The following VANGL1 variants were observed in gnomAD, a reference collection of about 807,000 sequenced individuals.
VANGL1 encodes the protein vang-like protein 1.
A neutral mutation model predicts 48.4 loss-of-function variants in VANGL1; 18 were observed. That is an observed-to-expected ratio of 0.37 (90% CI 0.26 to 0.55). The LOEUF is 0.55. Ranked by LOEUF, VANGL1 falls within the 20% of genes least tolerant of loss-of-function variation. The pLI, the probability that VANGL1 is intolerant of heterozygous loss-of-function variation, is 0.81. For synonymous variants in VANGL1, 257 were observed against 261.8 expected (o/e 0.98, Z 0.18); for missense variants, 667 against 675.8 (o/e 0.99, Z 0.14).
At chr1:115,661,879 A>C (rs1652571308) in intron 3 of VANGL1, among the ~76,000 whole-genome samples, 1 of 152,130 alleles carries the variant, frequency 6.6e-6, no homozygotes, top group Non-Finnish European at 1.5e-5. Context: ...TGGCCTCCCA[A>C]AGTGCTAGGA....
At chr1:115,657,633 T>G (rs1652398202) in intron 2 of VANGL1, among the ~76,000 whole-genome samples, 1 of 152,242 alleles carries the variant, frequency 6.6e-6, no homozygotes, top group Non-Finnish European at 1.5e-5. Flanking sequence ...CCTAGCTGCC[T>G]TGTTAAAACA....
At chr1:115,656,545 T>G (rs1028119023) in intron 2 of VANGL1, among the ~76,000 whole-genome samples, 10 of 152,248 alleles carry the variant, frequency 6.6e-5, no homozygotes, top group Non-Finnish European at 4.4e-5. Flanking sequence ...TTTTTAAGTT[T>G]AAGAGGTTTT....
intron 4 of VANGL1, among the ~76,000 whole-genome samples, chr1:115,666,604 C>G (rs1454058619): frequency 6.6e-6 from 1 of 152,152 alleles, no homozygotes; most frequent in African/African-American, 2.4e-5. Context: ...CACCCCAGCT[C>G]CCCAGGGAGA....
chr1:115,652,857 C>T (rs554252452), intron 2 of VANGL1, among the ~76,000 whole-genome samples: 28 of 152,214 alleles, frequency 1.8e-4, no homozygotes, highest in East Asian at 1.9e-4. Context: ...GGGGGAGGCT[C>T]GGCAGAAGCT....
At chr1:115,664,876 CATT>C (rs1343998677) in intron 4 of VANGL1, among the ~76,000 whole-genome samples, 4 of 152,178 alleles carry the variant, frequency 2.6e-5, no homozygotes, top group African/African-American at 9.7e-5. Context: ...CATAAAATCT[CATT>C]ATTTTGTGGT....
At chr1:115,665,626 G>T (rs554407218) in intron 4 of VANGL1, among the ~76,000 whole-genome samples, 1 of 152,182 alleles carries the variant, frequency 6.6e-6, no homozygotes, top group Admixed American at 6.5e-5. Flanking sequence ...ATGATCTAGC[G>T]TTCAAGGTTG....
In VANGL1 at chr1:115,688,650, G is replaced by C. The variant is rs1399192757; in HGVS notation, c.1315-2469G>C. On this transcript the variant is annotated intron_variant, in intron 7 of 7. Coordinates refer to ENST00000355485, the MANE Select transcript of VANGL1 (RefSeq NM_138959.3). ...CTACCAAATTGCCCTCCTAGGGGGT[G>C]TACTTTTGCATGCTTTGCCTCTAAC... is the stretch of plus-strand genomic sequence containing the variant. Among the ~76,000 whole-genome samples, 3 of 138,190 alleles carry C rather than the reference G, an allele frequency of 2.2e-5. 1 individual carries two copies. The highest frequency in any genetic ancestry group is 8.2e-5 in the African/African-American group (3 of 36,692). 90.7% of individuals were successfully genotyped at this position (138,190 alleles called of 152,430 possible). A position where few individuals can be genotyped will look rare whatever the true frequency, so the allele number is the denominator to read the frequency against.
At position 115,694,883 on chromosome 1, in the gene VANGL1, A is replaced by G. The variant is rs879850378; in HGVS notation, c.*3504A>G. 6.6e-6 allele frequency: 1 copy of G among 152,184 alleles called. No individual in the cohort carries two copies. Among genetic ancestry groups the G allele is most frequent in the Non-Finnish European group, 1.5e-5 (1 of 68,044 alleles). The allele number at this position is 152,184 out of a possible 1,614,324, so 9.4% of individuals were successfully genotyped here. A position where few individuals can be genotyped will look rare whatever the true frequency, so the allele number is the denominator to read the frequency against. Reference sequence around the variant, plus strand: ...TCAGCAGATACGTGTCATTGTGTATATAGCTGAGTGTGTGAGGGTGTCTGT... The same window carrying G: ...TCAGCAGATACGTGTCATTGTGTATGTAGCTGAGTGTGTGAGGGTGTCTGT... On this transcript the variant is annotated 3_prime_UTR_variant, in exon 8 of 8. Transcript: ENST00000355485.
chr1:115,650,090 G>A (rs1301022966), intron 1 of VANGL1, among the ~76,000 whole-genome samples: 1 of 152,218 alleles, frequency 6.6e-6, no homozygotes, highest in African/African-American at 2.4e-5. Context: ...TGTGGGGGCT[G>A]TATTGGTGGT....
At chr1:115,653,165 A>G (rs1652216165) in intron 2 of VANGL1, among the ~76,000 whole-genome samples, 1 of 152,148 alleles carries the variant, frequency 6.6e-6, no homozygotes, top group African/African-American at 2.4e-5. Flanking sequence ...CTAAATTTTT[A>G]TGTATTGCTC....
At chr1:115,671,973 G>A (rs1051655977) in intron 4 of VANGL1, among the ~76,000 whole-genome samples, 5 of 152,224 alleles carry the variant, frequency 3.3e-5, no homozygotes, top group Admixed American at 3.3e-4. Context: ...AGCCCAGGAG[G>A]GGTGCATATG....
chr1:115,649,428 TTCTG>T (rs1652055783), intron 1 of VANGL1, among the ~76,000 whole-genome samples: 1 of 152,166 alleles, frequency 6.6e-6, no homozygotes, highest in Non-Finnish European at 1.5e-5. Flanking sequence ...GTGTGCTCCG[TTCTG>T]TCTGACTGCA....
rs1392171665 is a variant in VANGL1 at position 115,685,527 on chromosome 1, G to A, written c.1314G>A (p.Lys438=). Residue 438 remains lysine (K), a splice_region_variant and synonymous_variant, in exon 7 of 8, where the codon AAG becomes AAA. Transcript: ENST00000355485. ...GCATCACCAACGGCATGACCCCCAA[G>A]GTGCGCTGCTCCGGGCGGGCTCTGC... ...AFCITNGMTP[K]AFLERYLSAG... is the part of the protein sequence containing the mutation. 6.2e-7 allele frequency: 1 copy of A among 1,613,812 alleles called. No homozygotes were observed. The highest frequency in any genetic ancestry group is 8.5e-7 in the Non-Finnish European group (1 of 1,180,000).
At position 115,692,263 on chromosome 1, in the gene VANGL1, A is replaced by T. The variant is rs543010660; in HGVS notation, c.*884A>T. The T allele has an allele frequency of 6.6e-6, 1 of 152,614 alleles. No individual in the cohort carries two copies. Among genetic ancestry groups the T allele is most frequent in the East Asian group, 1.9e-4 (1 of 5,162 alleles). 9.5% of individuals were successfully genotyped at this position (152,614 alleles called of 1,614,324 possible). On this transcript the variant is annotated 3_prime_UTR_variant, in exon 8 of 8. Coordinates refer to ENST00000355485, the MANE Select transcript of VANGL1 (RefSeq NM_138959.3). ...ACCTTTAGGCTGCAGCAGGAGCCCC[A>T]CACTGCCCAGTTTTCCTCCCCACTG...
chr1:115,690,294 T>C (rs1433167969), intron 7 of VANGL1, among the ~76,000 whole-genome samples: 1 of 151,628 alleles, frequency 6.6e-6, no homozygotes, highest in Non-Finnish European at 1.5e-5. Flanking sequence ...GCCTGAGAGG[T>C]TCAAGAGAAG....
intron 7 of VANGL1, among the ~76,000 whole-genome samples, chr1:115,687,138 C>T (rs1353862622): frequency 7.2e-6 from 1 of 138,694 alleles, no homozygotes; most frequent in East Asian, 2.0e-4. Flanking sequence ...TGTATTGATT[C>T]ACTAATCTCT....
rs1653950710 is a variant in VANGL1, at chr1:115,694,187, A to C, written c.*2808A>C. 6.6e-6 allele frequency: 1 copy of C among 152,232 alleles called. No individual in the cohort carries two copies. The highest frequency in any genetic ancestry group is 2.4e-5 in the African/African-American group (1 of 41,452). The allele number at this position is 152,232 out of a possible 1,614,324, so 9.4% of individuals were successfully genotyped here. ...AGTTCATCCATCCTTTGCATTATCA[A>C]AATGTTAAGTCAAATCTGTAATACT... is the stretch of plus-strand genomic sequence containing the variant. On this transcript the variant is annotated 3_prime_UTR_variant, in exon 8 of 8. Transcript: ENST00000355485.
chr1:115,682,613 C>G (rs776565205), intron 5 of VANGL1, 116 bp downstream of exon 5: 3 of 1,488,218 alleles, frequency 2.0e-6, no homozygotes, highest in South Asian at 1.2e-5. Context: ...ATGGTACATT[C>G]TTGTTTCAGA....
chr1:115,649,192 C>T (rs945799066), intron 1 of VANGL1, among the ~76,000 whole-genome samples: 2 of 152,110 alleles, frequency 1.3e-5, no homozygotes, highest in African/African-American at 4.8e-5. Context: ...GATGACTCAG[C>T]CCTTGAAGTC....
Sources: gnomAD v4.1 joint callset for allele counts (sites outside exome capture counted in the v4.1 genomes callset) on GRCh38, gnomAD v4.1.1 for gene constraint, MANE v1.5 for transcripts, NCBI Gene and HGNC (gene_info 2026-07-23, HGNC 2026-07-21) for gene names.